Variants in PLD1 observed in about 807,000 individuals in gnomAD.
PLD1 encodes phospholipase D1, also known as choline phosphatase 1.
In PLD1, 112 loss-of-function variants were observed where a neutral mutation model predicts 137.1. That is an observed-to-expected ratio of 0.82 (90% CI 0.70 to 0.96). The LOEUF (loss-of-function observed/expected upper bound fraction) is 0.96. PLD1 is among the 40% of genes least tolerant of loss of function. The pLI, the probability that PLD1 is intolerant of heterozygous loss-of-function variation, is 0.00. For missense variants in PLD1, 1,321 were observed against 1,342.0 expected, an observed-to-expected ratio of 0.98 and a Z score of 0.24; for synonymous variants, 431 against 454.7, an observed-to-expected ratio of 0.95 and a Z score of 0.66.
chr3:171,737,697 AT>A, intron 2 of PLD1, 38 bp from the exon 3 acceptor site: 1 of 1,424,026 alleles, frequency 7.0e-7, no homozygotes, highest in Non-Finnish European at 9.7e-7. Flanking sequence ...GCAATATATG[AT>A]TAGCATAACT....
chr3:171,787,769 C>G (rs1723064082), intron 1 of PLD1, among the ~76,000 whole-genome samples: 1 of 150,360 alleles, frequency 6.7e-6, no homozygotes, highest in Non-Finnish European at 1.5e-5. Flanking sequence ...ACTGAATTCT[C>G]ATTTAGGAAA....
In PLD1 at chr3:171,620,402, A is replaced by G. The variant is rs766090516; in HGVS notation, c.2712T>C (p.Asp904=). 1.3e-6 allele frequency: 2 copies of G among 1,597,376 alleles called. No homozygotes were observed. Among genetic ancestry groups the G allele is most frequent in the Non-Finnish European group, 1.7e-6 (2 of 1,168,008 alleles). ...YVHSKLLIAD[D]NTVIIGSANI... is the part of the protein sequence containing the mutation. The stretch of plus-strand genomic sequence containing the variant: ...TGTACTTACCAATAATAACAGTGTT[A>G]TCATCAGCAATTAACAACTTGCTGT... The change falls in exon 24 of 27, where the codon GAT becomes GAC. Residue 904 remains aspartate (D), a synonymous_variant. Coordinates refer to ENST00000351298, the MANE Select transcript of PLD1 (RefSeq NM_002662.5).
chr3:171,713,928 TTC>T lies in PLD1; in HGVS notation c.874_875del (p.Glu292AsnfsTer8). 6.2e-7 allele frequency: 1 copy of T among 1,613,232 alleles called. No homozygotes were observed. The highest frequency in any genetic ancestry group is 8.5e-7 in the Non-Finnish European group (1 of 1,179,170). ...FKIKVGKKETETKYGIRIDNL... is the reference protein window; with the variant it reads ...FKIKVGKKETXTKYGIRIDNL... ...TATCAATTCGGATTCCATATTTCGT[TTC>T]TGTCTCCTTCTTCCCCACCTTAATT... On this transcript the variant is annotated frameshift_variant, in exon 9 of 27. Coordinates refer to ENST00000351298, the MANE Select transcript of PLD1 (RefSeq NM_002662.5). LOFTEE classifies it high-confidence loss of function.
chr3:171,794,203 G>C (rs761166512), intron 1 of PLD1, among the ~76,000 whole-genome samples: 2 of 151,660 alleles, frequency 1.3e-5, no homozygotes, highest in Non-Finnish European at 2.9e-5. Flanking sequence ...GAGAAAAAGA[G>C]AGATCACATT....
intron 1 of PLD1, among the ~76,000 whole-genome samples, chr3:171,798,710 T>C (rs1269141993): frequency 6.6e-6 from 1 of 152,214 alleles, no homozygotes; most frequent in Non-Finnish European, 1.5e-5. Context: ...TTAATATTGT[T>C]ATCCTTTATT....
At chr3:171,604,806 T>C (rs1168339803) in intron 26 of PLD1, among the ~76,000 whole-genome samples, 1 of 152,250 alleles carries the variant, frequency 6.6e-6, no homozygotes, top group African/African-American at 2.4e-5. Flanking sequence ...ATACACTATG[T>C]GCTAAAACCA....
intron 24 of PLD1, 25 bp downstream of exon 24, chr3:171,620,361 A>G (rs1340932113): frequency 1.3e-6 from 2 of 1,517,704 alleles, no homozygotes; most frequent in South Asian, 2.5e-5. Context: ...AAGGAATACA[A>G]TTATAGACCA....
intron 1 of PLD1, among the ~76,000 whole-genome samples, chr3:171,767,722 G>A (rs933106633): frequency 1.3e-4 from 20 of 152,164 alleles, no homozygotes; most frequent in African/African-American, 4.6e-4. Context: ...ACAACTTAAG[G>A]TTGTTGTGAG....
chr3:171,665,365 G>A (rs779424222), intron 19 of PLD1, among the ~76,000 whole-genome samples: 51 of 152,102 alleles, frequency 3.4e-4, no homozygotes, highest in African/African-American at 1.0e-3. Context: ...CTATCTGTAG[G>A]CATTTAAGTA....
At chr3:171,771,612 T>G (rs9860368) in intron 1 of PLD1, among the ~76,000 whole-genome samples, 17,665 of 152,228 alleles carry the variant, frequency 0.12, 1,183 homozygotes, top group South Asian at 0.19. Context: ...TGCAATAAAG[T>G]GAATGATTAA....
chr3:171,766,319 A>C (rs985540511), intron 1 of PLD1, among the ~76,000 whole-genome samples: 1 of 152,166 alleles, frequency 6.6e-6, no homozygotes, highest in Non-Finnish European at 1.5e-5. Flanking sequence ...AATGAATATA[A>C]AGTAATCATG....
At chr3:171,694,027 G>A (rs1477195664) in intron 12 of PLD1, among the ~76,000 whole-genome samples, 2 of 152,030 alleles carry the variant, frequency 1.3e-5, no homozygotes, top group African/African-American at 4.8e-5. Context: ...AAACATTTCT[G>A]TAATATTGTT....
intron 1 of PLD1, among the ~76,000 whole-genome samples, chr3:171,754,986 C>T (rs183778532): frequency 1.8e-4 from 28 of 152,270 alleles, no homozygotes; most frequent in Admixed American, 1.5e-3. Flanking sequence ...AGACCTCACA[C>T]CCTGTTCATC....
chr3:171,651,006 T>C (rs1027285624), intron 21 of PLD1, among the ~76,000 whole-genome samples: 3 of 152,200 alleles, frequency 2.0e-5, no homozygotes, highest in Non-Finnish European at 2.9e-5. Context: ...ACAGCAGTGA[T>C]GTACCTCTAC....
At chr3:171,737,215 G>A (rs1461304883) in intron 3 of PLD1, among the ~76,000 whole-genome samples, 1 of 152,216 alleles carries the variant, frequency 6.6e-6, no homozygotes, top group Admixed American at 6.5e-5. Context: ...GAGTCCAAAT[G>A]AAACAGAAAA....
chr3:171,804,058 T>C (rs552582624), intron 1 of PLD1, among the ~76,000 whole-genome samples: 2 of 152,296 alleles, frequency 1.3e-5, no homozygotes, highest in African/African-American at 4.8e-5. Flanking sequence ...AAACAATATC[T>C]AAAACATCAT....
intron 13 of PLD1, among the ~76,000 whole-genome samples, chr3:171,691,686 C>T (rs542740669): frequency 4.6e-5 from 7 of 152,186 alleles, no homozygotes; most frequent in Non-Finnish European, 7.4e-5. Flanking sequence ...ATATAAATTA[C>T]GCAACCTAAT....
chr3:171,779,695 A>G (rs145791623), intron 1 of PLD1, among the ~76,000 whole-genome samples: 216 of 149,346 alleles, frequency 1.4e-3, no homozygotes, highest in African/African-American at 4.8e-3. Flanking sequence ...GTTTGGATAC[A>G]TAAGTCTGAG....
intron 23 of PLD1, among the ~76,000 whole-genome samples, chr3:171,621,289 TGTGA>T (rs1394143719): frequency 2.0e-5 from 3 of 152,304 alleles, no homozygotes; most frequent in African/African-American, 7.2e-5. Flanking sequence ...TGACCCCTGT[TGTGA>T]GTGTTAGTCA....
Sources: allele counts gnomAD v4.1 joint callset (sites outside exome capture counted in the v4.1 genomes callset), GRCh38; gene constraint gnomAD v4.1.1; transcripts MANE v1.5; gene names NCBI Gene and HGNC (gene_info 2026-07-23, HGNC 2026-07-21).